Variants in SYNPO2 observed in about 807,000 individuals in gnomAD.
SYNPO2 encodes the protein synaptopodin-2.
Under a neutral mutation model 85.0 loss-of-function variants are expected in SYNPO2, and 56 were observed. That is an observed-to-expected ratio of 0.66 (90% CI 0.53 to 0.82). SYNPO2 has a LOEUF of 0.82. Among genes scored for constraint, SYNPO2 ranks in the 40% least tolerant of loss-of-function variants. SYNPO2 has a pLI of 0.00. For synonymous variants in SYNPO2, 602 were observed against 591.1 expected, an observed-to-expected ratio of 1.02 and a Z score of -0.27; for missense variants, 1,575 against 1,534.2, an observed-to-expected ratio of 1.03 and a Z score of -0.44.
intron 1 of SYNPO2, among the ~76,000 whole-genome samples, chr4:118,975,928 A>G (rs555928135): frequency 6.6e-6 from 1 of 152,374 alleles, no homozygotes; most frequent in South Asian, 2.1e-4. Flanking sequence ...CCTCAAAGTC[A>G]GGAGAAAAAT....
intron 4 of SYNPO2, chr4:119,042,324 A>G (rs1199372228): frequency 6.6e-6 from 1 of 152,196 alleles, no homozygotes; most frequent in African/African-American, 2.4e-5. Flanking sequence ...AAATATTTCT[A>G]GGGATAGAAT....
intron 1 of SYNPO2, among the ~76,000 whole-genome samples, chr4:118,988,532 A>T (rs1578618964): frequency 6.6e-6 from 1 of 152,218 alleles, no homozygotes; most frequent in East Asian, 1.9e-4. Context: ...TTCCAACTGA[A>T]GTTTTGGAAA....
intron 1 of SYNPO2, among the ~76,000 whole-genome samples, chr4:118,966,474 A>G (rs1158209370): frequency 6.6e-6 from 1 of 152,140 alleles, no homozygotes; most frequent in African/African-American, 2.4e-5. Context: ...GTAAACCCCA[A>G]GGGAGGACTT....
chr4:118,879,341 C>T (rs975399755), intron 1 of SYNPO2, among the ~76,000 whole-genome samples: 5 of 152,140 alleles, frequency 3.3e-5, no homozygotes, highest in African/African-American at 4.8e-5. Flanking sequence ...GGGAACTGAA[C>T]GTTTTTGTCT....
At chr4:119,007,300 A>G (rs1488073441) in intron 1 of SYNPO2, among the ~76,000 whole-genome samples, 2 of 77,370 alleles carry the variant, frequency 2.6e-5, no homozygotes, top group African/African-American at 9.3e-5. Flanking sequence ...ATATATATGT[A>G]TATACACGCA....
At chr4:119,036,375 C>T (rs773400700) in intron 4 of SYNPO2, 71 of 985,390 alleles carry the variant, frequency 7.2e-5, no homozygotes, top group Non-Finnish European at 8.1e-5. Flanking sequence ...ATGACCCTCG[C>T]TGGTCTTGGG....
chr4:118,882,832 C>G (rs975439948), intron 1 of SYNPO2, among the ~76,000 whole-genome samples: 1 of 151,378 alleles, frequency 6.6e-6, no homozygotes, highest in Non-Finnish European at 1.5e-5. Context: ...TGCAATGGTG[C>G]GATCTCGGCT....
chr4:118,967,860 CAAAA>C (rs34878457), intron 1 of SYNPO2, among the ~76,000 whole-genome samples: 57,392 of 145,252 alleles, frequency 0.4, 11,073 homozygotes, highest in South Asian at 0.52. Flanking sequence ...ATCTTTATAC[CAAAA>C]AAAAAAAAAA....
rs190225915 is a variant in SYNPO2, at chr4:118,851,306, G to A, written c.12+366G>A. Among the ~76,000 whole-genome samples, 50 of 152,224 alleles carry A rather than the reference G, an allele frequency of 3.3e-4. 1 individual carries two copies. Among genetic ancestry groups the A allele is most frequent in the Admixed American group, 3.3e-3 (50 of 15,298 alleles). ...GAGGATTGACCAGTCTGACCAACACGGAGAAACCCCGTCTCTACTAAAAAT... is the reference window on the plus strand; with the variant it reads ...GAGGATTGACCAGTCTGACCAACACAGAGAAACCCCGTCTCTACTAAAAAT... On this transcript the variant is annotated intron_variant, in intron 1 of 4. Coordinates refer to the SYNPO2 transcript ENST00000610556.
Position 119,031,273 on chromosome 4 carries a change from C to T in SYNPO2, c.2498C>T (p.Ala833Val), listed in dbSNP as rs746319591. Reference sequence around the variant, plus strand: ...GCTGGTCCCTTCAAAGGACCACAAGCAGCAGTAGCCAGTCAGAATTACACA... The same window carrying T: ...GCTGGTCCCTTCAAAGGACCACAAGTAGCAGTAGCCAGTCAGAATTACACA... ...NVAGPFKGPQ[A>V]AVASQNYTPK... Residue 833 changes from alanine to valine, a missense_variant, in exon 4 of 5, where the codon GCA becomes GTA. By Grantham distance (64) the Ala-to-Val change is moderately conservative. Around this residue, in one of 3 missense-constraint regions of SYNPO2, gnomAD observed 1,508 missense variants for 1,446.8 expected, o/e 1.04. Coordinates refer to ENST00000307142, the MANE Select transcript of SYNPO2 (RefSeq NM_133477.3). 1 of 1,614,198 alleles carries T rather than the reference C, an allele frequency of 6.2e-7. No individual in the cohort carries two copies. Among genetic ancestry groups the T allele is most frequent in the Non-Finnish European group, 8.5e-7 (1 of 1,180,024 alleles).
intron 1 of SYNPO2, among the ~76,000 whole-genome samples, chr4:118,901,334 A>C (rs370375168): frequency 9.9e-5 from 15 of 152,218 alleles, no homozygotes; most frequent in Admixed American, 4.6e-4. Flanking sequence ...CAATTGCTTC[A>C]CAGTAACACT....
In SYNPO2 at chr4:118,888,889, G is replaced by C; in HGVS notation, c.-148G>C. 3.8e-6 allele frequency: 3 copies of C among 790,556 alleles called. No individual in the cohort carries two copies. The highest frequency in any genetic ancestry group is 1.6e-5 in the South Asian group (1 of 63,656). 49.0% of individuals were successfully genotyped at this position (790,556 alleles called of 1,614,324 possible). On this transcript the variant is annotated 5_prime_UTR_variant, in exon 1 of 5. Transcript: ENST00000307142. Reference sequence around the variant, plus strand: ...GCAGCAGGCGGCTGGGGCGGCGGCTGGGGCAGCGGCTGCAGCAGCGGCGGA... The same window carrying C: ...GCAGCAGGCGGCTGGGGCGGCGGCTCGGGCAGCGGCTGCAGCAGCGGCGGA...
chr4:119,003,074 G>A (rs911009931), intron 1 of SYNPO2, among the ~76,000 whole-genome samples: 3 of 151,472 alleles, frequency 2.0e-5, no homozygotes, highest in African/African-American at 4.9e-5. Flanking sequence ...TTATCTTTTT[G>A]TCTTGCTGTA....
At chr4:119,001,494 A>G (rs1037736246) in intron 1 of SYNPO2, among the ~76,000 whole-genome samples, 1 of 152,248 alleles carries the variant, frequency 6.6e-6, no homozygotes, top group African/African-American at 2.4e-5. Context: ...ATTCTACAGC[A>G]GAACTTTTAG....
At chr4:119,028,708 T>TA (rs1035883357) in intron 3 of SYNPO2, among the ~76,000 whole-genome samples, 7 of 151,920 alleles carry the variant, frequency 4.6e-5, no homozygotes, top group East Asian at 1.9e-4. Context: ...ATATTTTATT[T>TA]AAAAAAAATT....
At chr4:118,887,166 A>AGAGAGTGTGT (rs57115153), upstream of SYNPO2, among the ~76,000 whole-genome samples, 1 of 139,058 alleles carries the variant, frequency 7.2e-6, no homozygotes, top group East Asian at 2.1e-4. Context: ...CATCTGAGTG[A>AGAGAGTGTGT]GTGTGTGTGT....
chr4:119,057,279 A>ATTTATT (rs1308709282), intron 4 of SYNPO2, 122 bp from the exon 5 acceptor site: 1 of 1,113,542 alleles, frequency 9.0e-7, no homozygotes, highest in South Asian at 2.3e-5. Flanking sequence ...TGGGGGGTTA[A>ATTTATT]TTTATTTTTA....
intron 1 of SYNPO2, among the ~76,000 whole-genome samples, chr4:118,908,248 A>G (rs1283868129): frequency 6.6e-6 from 1 of 152,138 alleles, no homozygotes; most frequent in African/African-American, 2.4e-5. Context: ...AATTAAGAAT[A>G]TGTGAATTAA....
At chr4:118,976,246 G>A (rs1265826664) in intron 1 of SYNPO2, among the ~76,000 whole-genome samples, 2 of 152,078 alleles carry the variant, frequency 1.3e-5, no homozygotes, top group Non-Finnish European at 2.9e-5. Flanking sequence ...GCTGGCTCAG[G>A]AGTGAAGCTG....
Sources: gnomAD v4.1 joint callset for allele counts (sites outside exome capture counted in the v4.1 genomes callset) on GRCh38, gnomAD v4.1.1 for gene constraint, gnomAD v4.1.1 regional missense constraint, MANE v1.5 for transcripts, NCBI Gene and HGNC (gene_info 2026-07-23, HGNC 2026-07-21) for gene names.